Variants in IFT172 observed in about 807,000 individuals in gnomAD.
IFT172 encodes the protein intraflagellar transport protein 172 homolog.
Under a neutral mutation model 248.9 loss-of-function variants are expected in IFT172, and 164 were observed. The ratio of observed to expected loss-of-function variants is 0.66; its 90% CI spans 0.58 to 0.75. IFT172 has a LOEUF of 0.75. IFT172 is among the 30% of genes least tolerant of loss of function. The pLI, the probability that IFT172 is intolerant of heterozygous loss-of-function variation, is 0.00. For synonymous variants in IFT172, 729 were observed against 791.6 expected, an observed-to-expected ratio of 0.92 and a Z score of 1.33; for missense variants, 1,950 against 2,192.4, an observed-to-expected ratio of 0.89 and a Z score of 2.21.
intron 39 of IFT172, 127 bp from the exon 40 acceptor site, chr2:27,449,158 G>T: frequency 8.1e-7 from 1 of 1,228,670 alleles, no homozygotes; most frequent in East Asian, 2.3e-5. Context: ...CCCAGTTTCA[G>T]ACTGAGCTTC....
chr2:27,479,483 G>A (rs770158108), intron 10 of IFT172, 26 bp downstream of exon 10: 1 of 1,311,518 alleles, frequency 7.6e-7, no homozygotes, highest in Non-Finnish European at 1.1e-6. Context: ...CAAGTTCTCA[G>A]TGCAGTAGGC....
rs1666808431 is a variant in IFT172 at position 27,463,114 on chromosome 2, G to C, written c.2005C>G (p.Gln669Glu). 6.2e-7 allele frequency: 1 copy of C among 1,614,118 alleles called. No homozygotes were observed. The highest frequency in any genetic ancestry group is 8.5e-7 in the Non-Finnish European group (1 of 1,180,016). ...FLHETNEIAD[Q>E]VSREYGGEGT... ...ATACTTGCATATTCCCGGGATACTT[G>C]ATCTGCAATCTCATTGGTCTCATGC... is the stretch of plus-strand genomic sequence containing the variant. The change falls in exon 19 of 48, where the codon CAA (glutamine) becomes GAA (glutamate). Residue 669 changes from glutamine to glutamate, a missense_variant. By Grantham distance (29) the Gln-to-Glu change is conservative. Transcript: ENST00000260570.
rs1212841805 is a variant in IFT172 at position 27,454,472 on chromosome 2, G to C, written c.3466-54C>G. On this transcript the variant is annotated intron_variant, in intron 31 of 47. Coordinates refer to ENST00000260570, the MANE Select transcript of IFT172 (RefSeq NM_015662.3). This position sits in a 1 kb window ranked among gnomAD's most constrained non-coding sequence, Gnocchi z 4.2. ...GATGAGAAGGAGACTGGCATCACAG[G>C]CAGGCATGAGACTGGGGGTCTGCAC... 1.2e-6 allele frequency: 2 copies of C among 1,613,200 alleles called. No individual in the cohort carries two copies. Among genetic ancestry groups the C allele is most frequent in the African/African-American group, 2.7e-5 (2 of 74,974 alleles).
Position 27,481,092 on chromosome 2 carries a change from C to A in IFT172, c.739G>T (p.Val247Leu). The A allele has an allele frequency of 6.2e-7, 1 of 1,614,132 alleles. No homozygotes were observed. Among genetic ancestry groups the A allele is most frequent in the Non-Finnish European group, 8.5e-7 (1 of 1,180,022 alleles). The change falls in exon 8 of 48, where the codon GTA becomes TTA. Residue 247 changes from valine (V) to leucine (L), a missense_variant. This residue lies in a region of IFT172 where 1,166 missense variants were observed against 1,254.1 expected (regional missense o/e 0.93). Transcript: ENST00000260570. ...DPQEREFTTAVSSPGGQSVVL... is the reference protein window; with the variant it reads ...DPQEREFTTALSSPGGQSVVL... The stretch of plus-strand genomic sequence containing the variant: ...ACAGACTGGCCCCCAGGACTTGATA[C>A]AGCTGTGGTGAACTCCCGCTCCTGA...
rs1665504153 is a variant in IFT172, at chr2:27,449,942, C to T, written c.4050+56G>A. Reference sequence around the variant, plus strand: ...CACACCTTCCTGGGTGTAGATGTCACCCTTGCACCCATCTCTGTGAAATCT... The same window carrying T: ...CACACCTTCCTGGGTGTAGATGTCATCCTTGCACCCATCTCTGTGAAATCT... On this transcript the variant is annotated intron_variant, in intron 36 of 47. Transcript: ENST00000260570. 3.3e-6 allele frequency: 5 copies of T among 1,510,682 alleles called. No individual in the cohort carries two copies. In the Admixed American group the frequency reaches 6.7e-5, roughly 20 times the overall value. 93.6% of individuals were successfully genotyped at this position (1,510,682 alleles called of 1,614,324 possible). A position where few individuals can be genotyped will look rare whatever the true frequency, so the allele number is the denominator to read the frequency against.
At chr2:27,479,902 A>G in intron 9 of IFT172, 124 bp downstream of exon 9, 1 of 1,321,516 alleles carries the variant, frequency 7.6e-7, no homozygotes, top group Non-Finnish European at 1.0e-6. Context: ...CCAGAATTTT[A>G]GGTCAGGGTC....
chr2:27,474,323 A>T (rs1452435862), intron 14 of IFT172, among the ~76,000 whole-genome samples: 1 of 152,190 alleles, frequency 6.6e-6, no homozygotes, highest in Non-Finnish European at 1.5e-5. Flanking sequence ...ACTCATGTAT[A>T]TGGAAACTTG....
chr2:27,465,272 AG>A (rs1667000536), intron 18 of IFT172, 138 bp downstream of exon 18: 1 of 702,380 alleles, frequency 1.4e-6, no homozygotes, highest in Non-Finnish European at 2.6e-6. Context: ...ATTGTACTGC[AG>A]AAGGGCTCTA....
In IFT172 at chr2:27,461,025, T is replaced by C. The variant is rs767263531; in HGVS notation, c.2511A>G (p.Ala837=). The part of the protein sequence containing the change: ...KALECYRKGN[A]FMKAVELARL... The stretch of plus-strand genomic sequence containing the variant: ...ATAGGTGGCTAGTACCTTTCATGAA[T>C]GCGTTGCCTTTACGGTAGCACTCCA... Residue 837 remains alanine, a synonymous_variant, in exon 23 of 48, where the codon GCA becomes GCG. Coordinates refer to ENST00000260570, the MANE Select transcript of IFT172 (RefSeq NM_015662.3). 1.1e-5 allele frequency: 17 copies of C among 1,614,068 alleles called. No individual in the cohort carries two copies. Among genetic ancestry groups the C allele is most frequent in the Non-Finnish European group, 1.4e-5 (17 of 1,180,046 alleles).
intron 6 of IFT172, 69 bp downstream of exon 6, chr2:27,483,511 A>G (rs1176738851): frequency 2.0e-6 from 3 of 1,532,976 alleles, no homozygotes; most frequent in African/African-American, 2.7e-5. Flanking sequence ...ATGGTCTTGC[A>G]GTCCAGACTT....
intron 18 of IFT172, 100 bp from the exon 19 acceptor site, chr2:27,463,281 C>T (rs918804378): frequency 1.8e-6 from 2 of 1,108,328 alleles, no homozygotes; most frequent in African/African-American, 1.6e-5. Flanking sequence ...CTATGATGTG[C>T]CAGCCAATGT....
intron 39 of IFT172, 118 bp from the exon 40 acceptor site, chr2:27,449,149 C>A: frequency 8.5e-7 from 1 of 1,180,074 alleles, no homozygotes; most frequent in Non-Finnish European, 1.3e-6. Context: ...ACCTCTGACC[C>A]CAGTTTCAGA....
Position 27,485,468 on chromosome 2 carries a change from G to A in IFT172, c.75C>T (p.Ser25=). 6.2e-7 allele frequency: 1 copy of A among 1,614,026 alleles called. No individual in the cohort carries two copies. Among genetic ancestry groups the A allele is most frequent in the Non-Finnish European group, 8.5e-7 (1 of 1,179,950 alleles). ...AGACAGCAAATTTGGCATTGTTCTG[G>A]GACCAAGCCATGCAGGTCACCTTTG... The part of the protein sequence containing the change: ...GAAKVTCMAW[S]QNNAKFAVCT... The change falls in exon 2 of 48, where the codon TCC becomes TCT. Residue 25 remains serine (S), a synonymous_variant. Coordinates refer to ENST00000260570, the MANE Select transcript of IFT172 (RefSeq NM_015662.3).
chr2:27,478,442 C>T (rs1479596621), intron 10 of IFT172, among the ~76,000 whole-genome samples: 2 of 152,142 alleles, frequency 1.3e-5, no homozygotes, highest in Non-Finnish European at 2.9e-5. Flanking sequence ...TTTGTACAAA[C>T]CTTATATATC....
chr2:27,446,077 A>G, intron 43 of IFT172, 89 bp from the exon 44 acceptor site: 1 of 1,523,826 alleles, frequency 6.6e-7, no homozygotes, highest in African/African-American at 1.4e-5. Context: ...GGAGTGAGCA[A>G]GCTGGGCTTG....
At chr2:27,462,215 G>C (rs545787431) in intron 20 of IFT172, among the ~76,000 whole-genome samples, 1 of 152,080 alleles carries the variant, frequency 6.6e-6, no homozygotes, top group Non-Finnish European at 1.5e-5. Flanking sequence ...TGTATTTTTA[G>C]TAGAGATGGG....
At chr2:27,484,193 A>C (rs1189501574) in intron 4 of IFT172, 34 bp downstream of exon 4, 1 of 1,613,764 alleles carries the variant, frequency 6.2e-7, no homozygotes. Context: ...ATGTTTGTTC[A>C]TCCTAAGGTT....
chr2:27,453,023 T>C (rs1224391708), intron 35 of IFT172: 4 of 351,562 alleles, frequency 1.1e-5, no homozygotes, highest in African/African-American at 4.3e-5. Flanking sequence ...TTCCAGCTCC[T>C]GTCCAAGTCT....
In IFT172 at chr2:27,461,800, G is replaced by A; in HGVS notation, c.2152C>T (p.Leu718=). 1 of 1,614,186 alleles carries A rather than the reference G, an allele frequency of 6.2e-7. No homozygotes were observed. Among genetic ancestry groups the A allele is most frequent in the Non-Finnish European group, 8.5e-7 (1 of 1,180,040 alleles). ...VEEAMGMYQE[L]HRWDECIAVA... Reference sequence around the variant, plus strand: ...GCGATACACTCATCCCAACGGTGTAGCTCCTGGTACATGCCCATGGCCTCC... The same window carrying A: ...GCGATACACTCATCCCAACGGTGTAACTCCTGGTACATGCCCATGGCCTCC... The change falls in exon 21 of 48, where the codon CTA becomes TTA. Residue 718 remains leucine, a synonymous_variant. Transcript: ENST00000260570.
Sources: gnomAD v4.1 joint callset for allele counts (sites outside exome capture counted in the v4.1 genomes callset) on GRCh38, gnomAD v4.1.1 for gene constraint, gnomAD v4.1.1 regional missense constraint, Gnocchi (gnomAD v3.1) non-coding constraint, MANE v1.5 for transcripts, NCBI Gene and HGNC (gene_info 2026-07-23, HGNC 2026-07-21) for gene names.